The following P2RY8 variants were observed in gnomAD, a reference collection of about 807,000 sequenced individuals.
P2RY8 encodes P2Y receptor family member 8, also known as S-geranylgeranyl-glutathione receptor P2RY8.
A neutral mutation model predicts 10.0 loss-of-function variants in P2RY8; 6 were observed. That is an observed-to-expected ratio of 0.60 (90% CI 0.33 to 1.19). The LOEUF (loss-of-function observed/expected upper bound fraction) is 1.19, where lower values mean the gene tolerates loss of function less well. Ranked by LOEUF, P2RY8 falls within the 50% of genes most tolerant of loss-of-function variation. P2RY8 has a pLI of 0.04. For missense variants in P2RY8, 456 were observed against 542.0 expected, an observed-to-expected ratio of 0.84 and a Z score of 1.58; for synonymous variants, 276 against 252.5, an observed-to-expected ratio of 1.09 and a Z score of -0.88.
chrX:1,493,437 A>AG (rs2092083191), intron 1 of P2RY8, among the ~76,000 whole-genome samples: 3 of 28,624 alleles, frequency 1.0e-4, no homozygotes, highest in Non-Finnish European at 2.3e-4. Context: ...GGAGGGAGGG[A>AG]AGGAGGAGGA....
At chrX:1,483,502 C>T (rs1243257309) in intron 1 of P2RY8, among the ~76,000 whole-genome samples, 6 of 152,112 alleles carry the variant, frequency 3.9e-5, no homozygotes, top group South Asian at 2.1e-4. Context: ...GGCATGGAGG[C>T]GCATGCCTGT....
intron 1 of P2RY8, among the ~76,000 whole-genome samples, chrX:1,517,739 T>C (rs1254473632): frequency 3.9e-5 from 6 of 152,110 alleles, no homozygotes; most frequent in Non-Finnish European, 8.8e-5. Flanking sequence ...GGAAGTTCAA[T>C]CTTCACACGT....
chrX:1,505,987 CTTTTTTTTTTTTTTT>C (rs542485545), intron 1 of P2RY8, among the ~76,000 whole-genome samples: 1 of 108,840 alleles, frequency 9.2e-6, no homozygotes, highest in Non-Finnish European at 1.8e-5. Flanking sequence ...TTTCTTTCTT[CTTTTTTTTTTTTTTT>C]TTTTTTTTGA....
chrX:1,467,075 G>C (rs1490007615), intron 1 of P2RY8, among the ~76,000 whole-genome samples: 5 of 151,882 alleles, frequency 3.3e-5, no homozygotes, highest in Admixed American at 6.6e-5. Context: ...CAAAGCCACC[G>C]TCAGCCCCCA....
Position 1,467,199 on chromosome X carries a change from G to C in P2RY8, c.-24-617C>G, listed in dbSNP as rs1438842874. 4.6e-5 allele frequency among the ~76,000 whole-genome samples: 7 copies of C among 152,200 alleles called. No homozygotes were observed. In the South Asian group the frequency reaches 1.5e-3, roughly 32 times the overall value. On this transcript the variant is annotated intron_variant, in intron 1 of 1. Transcript: ENST00000381297. ...TCTATCAGCAGAAAACACACACTCC[G>C]AGTGCCAGGAGACCAACCCGCAGCC...
At chrX:1,487,909 G>T (rs1403046827) in intron 1 of P2RY8, among the ~76,000 whole-genome samples, 1 of 152,144 alleles carries the variant, frequency 6.6e-6, no homozygotes, top group African/African-American at 2.4e-5. Context: ...AGGAGATCGA[G>T]ACCATCCTGG....
intron 1 of P2RY8, among the ~76,000 whole-genome samples, chrX:1,505,062 C>T (rs753618730): frequency 1.3e-4 from 19 of 147,398 alleles, no homozygotes; most frequent in Middle Eastern, 3.6e-3. Flanking sequence ...GGCGTGAACC[C>T]GGGAGGCAGA....
chrX:1,533,935 TTTA>T (rs1185757869), intron 1 of P2RY8, among the ~76,000 whole-genome samples: 11 of 123,706 alleles, frequency 8.9e-5, no homozygotes, highest in Admixed American at 2.7e-4. Flanking sequence ...TCATATATTA[TTTA>T]TTATTTACAT....
intron 1 of P2RY8, 30 bp from the exon 2 acceptor site, chrX:1,466,612 G>A (rs1352947487): frequency 2.8e-5 from 44 of 1,544,156 alleles, no homozygotes; most frequent in Non-Finnish European, 3.6e-5. Flanking sequence ...GGGTGTACGG[G>A]TCAGGGGCGC....
rs751492615 is a variant in P2RY8, at chrX:1,466,156, G to A, written c.403C>T (p.Arg135Cys). Residue 135 changes from arginine to cysteine, a missense_variant, in exon 2 of 2, where the codon CGC (arginine) becomes TGC (cysteine). Arg to Cys is a radical substitution (Grantham distance 180). Coordinates refer to ENST00000381297, the MANE Select transcript of P2RY8 (RefSeq NM_178129.5). ...VLYPLSSKRW[R>C]RRRYAVAACA... ...GCGGCCACCGCGTAACGACGGCGGC[G>A]CCAGCGCTTGGAGCTGAGCGGGTAC... 2 of 1,611,860 alleles carry A rather than the reference G, an allele frequency of 1.2e-6. No homozygotes were observed. The highest frequency in any genetic ancestry group is 1.1e-5 in the South Asian group (1 of 90,898).
intron 1 of P2RY8, among the ~76,000 whole-genome samples, chrX:1,500,727 C>T (rs1350069355): frequency 2.0e-5 from 3 of 152,064 alleles, no homozygotes; most frequent in African/African-American, 4.8e-5. Flanking sequence ...GGATTACAGG[C>T]GAGAGGCCCT....
intron 1 of P2RY8, chrX:1,494,412 C>CTCTGGTATTCTGTG (rs1158378834): frequency 6.6e-6 from 1 of 152,150 alleles, no homozygotes; most frequent in African/African-American, 2.4e-5. Context: ...TGAAACTGGC[C>CTCTGGTATTCTGTG]AGAGCAACAA....
chrX:1,486,235 G>A (rs767494446), intron 1 of P2RY8, among the ~76,000 whole-genome samples: 1 of 152,020 alleles, frequency 6.6e-6, no homozygotes, highest in Non-Finnish European at 1.5e-5. Context: ...AACAAAAAAT[G>A]GTTGCACCCA....
In P2RY8 at chrX:1,462,696, G is replaced by A. The variant is rs1231919796; in HGVS notation, c.*2783C>T. The A allele has an allele frequency of 2.1e-5, 5 of 232,864 alleles. No homozygotes were observed. Among genetic ancestry groups the A allele is most frequent in the East Asian group, 1.2e-4 (2 of 16,594 alleles). 14.4% of individuals were successfully genotyped at this position (232,864 alleles called of 1,614,324 possible). A position where few individuals can be genotyped will look rare whatever the true frequency, so the allele number is the denominator to read the frequency against. The stretch of plus-strand genomic sequence containing the variant: ...ACACCCGGACTCAATCAGTCCTCCC[G>A]CCTGAGCCTCCCAAAGTGCTGAGAT... On this transcript the variant is annotated 3_prime_UTR_variant, in exon 2 of 2. Transcript: ENST00000381297.
intron 1 of P2RY8, among the ~76,000 whole-genome samples, chrX:1,535,436 C>A (rs1289639954): frequency 3.3e-4 from 50 of 151,900 alleles, no homozygotes; most frequent in African/African-American, 1.1e-3. Flanking sequence ...GATCCACCCA[C>A]CTCGGCCTCC....
rs1368826057 is a variant in P2RY8, at chrX:1,462,675, C to G, written c.*2804G>C. 1 of 232,762 alleles carries G rather than the reference C, an allele frequency of 4.3e-6. No homozygotes were observed. Among genetic ancestry groups the G allele is most frequent in the East Asian group, 6.0e-5 (1 of 16,592 alleles). 14.4% of individuals were successfully genotyped at this position (232,762 alleles called of 1,614,324 possible). A position where few individuals can be genotyped will look rare whatever the true frequency, so the allele number is the denominator to read the frequency against. ...GTTGCCTAGGTTGGCCCTTGAACAC[C>G]CGGACTCAATCAGTCCTCCCGCCTG... On this transcript the variant is annotated 3_prime_UTR_variant, in exon 2 of 2. Coordinates refer to ENST00000381297, the MANE Select transcript of P2RY8 (RefSeq NM_178129.5).
intron 1 of P2RY8, among the ~76,000 whole-genome samples, chrX:1,509,547 C>CCA (rs1275266559): frequency 1.6e-5 from 2 of 125,734 alleles, no homozygotes; most frequent in African/African-American, 3.6e-5. Flanking sequence ...ATCCATCCAT[C>CCA]TATTCTATCA....
At chrX:1,513,463 C>T (rs1421690597) in intron 1 of P2RY8, among the ~76,000 whole-genome samples, 1 of 151,756 alleles carries the variant, frequency 6.6e-6, no homozygotes, top group Non-Finnish European at 1.5e-5. Context: ...GGGCTCCAGG[C>T]ATCCCTGGGC....
chrX:1,464,745 G>C lies in P2RY8; in HGVS notation c.*734C>G. On this transcript the variant is annotated 3_prime_UTR_variant, in exon 2 of 2. Transcript: ENST00000381297. The stretch of plus-strand genomic sequence containing the variant: ...GGTGGGGTCCCACCAAGCCAGGCCA[G>C]AACAAATGTGCCAAAAATCACCTTG... The C allele has an allele frequency of 4.3e-6, 1 of 233,370 alleles. No homozygotes were observed. Among genetic ancestry groups the C allele is most frequent in the Non-Finnish European group, 8.5e-6 (1 of 118,220 alleles). The allele number at this position is 233,370 out of a possible 1,614,324, so 14.5% of individuals were successfully genotyped here. A position where few individuals can be genotyped will look rare whatever the true frequency, so the allele number is the denominator to read the frequency against.
Sources: allele counts gnomAD v4.1 joint callset (sites outside exome capture counted in the v4.1 genomes callset), GRCh38; gene constraint gnomAD v4.1.1; transcripts MANE v1.5; gene names NCBI Gene and HGNC (gene_info 2026-07-23, HGNC 2026-07-21).